Variants in CRACD observed in about 807,000 individuals in gnomAD.
The protein encoded by CRACD is capping protein inhibiting regulator of actin dynamics.
A neutral mutation model predicts 106.8 loss-of-function variants in CRACD; 56 were observed. The ratio of observed to expected loss-of-function variants is 0.52; its 90% CI spans 0.42 to 0.66. The LOEUF (loss-of-function observed/expected upper bound fraction) is 0.66. Ranked by LOEUF, CRACD falls within the 30% of genes least tolerant of loss-of-function variation. The pLI, the probability that CRACD is intolerant of heterozygous loss-of-function variation, is 0.00. For synonymous variants in CRACD, 754 were observed against 670.8 expected, an observed-to-expected ratio of 1.12 and a Z score of -1.92; for missense variants, 1,730 against 1,623.2, an observed-to-expected ratio of 1.07 and a Z score of -1.13.
chr4:56,110,372 A>G (rs1432216549), intron 1 of CRACD, among the ~76,000 whole-genome samples: 2 of 152,194 alleles, frequency 1.3e-5, no homozygotes, highest in Non-Finnish European at 2.9e-5. Context: ...ATCAAAGTAG[A>G]GATGTCAAAA....
chr4:56,142,187 C>A (rs1424360125), intron 1 of CRACD, among the ~76,000 whole-genome samples: 1 of 152,088 alleles, frequency 6.6e-6, no homozygotes, highest in African/African-American at 2.4e-5. Context: ...ATGGGATTAT[C>A]CTACATTGAT....
chr4:56,165,182 C>T (rs1294277058), intron 1 of CRACD, among the ~76,000 whole-genome samples: 1 of 152,116 alleles, frequency 6.6e-6, no homozygotes, highest in Non-Finnish European at 1.5e-5. Flanking sequence ...ATGAAAGGTG[C>T]AGACTGCAGG....
intron 1 of CRACD, among the ~76,000 whole-genome samples, chr4:56,137,584 A>T (rs1016164927): frequency 1.3e-5 from 2 of 152,242 alleles, no homozygotes; most frequent in African/African-American, 4.8e-5. Context: ...TCCAATTTTT[A>T]AGTTTAAGTT....
chr4:56,132,289 C>T (rs1010753137), intron 1 of CRACD, among the ~76,000 whole-genome samples: 6 of 152,138 alleles, frequency 3.9e-5, no homozygotes, highest in African/African-American at 1.4e-4. Context: ...ACCCGCCCAC[C>T]TTGGCCTCTC....
intron 1 of CRACD, among the ~76,000 whole-genome samples, chr4:56,125,060 G>A (rs552572613): frequency 2.6e-5 from 4 of 152,214 alleles, no homozygotes; most frequent in African/African-American, 9.6e-5. Context: ...AATATCCAAC[G>A]TTATGTTCAT....
chr4:56,107,329 T>C (rs1016017079), intron 1 of CRACD, among the ~76,000 whole-genome samples: 1 of 152,178 alleles, frequency 6.6e-6, no homozygotes, highest in Admixed American at 6.5e-5. Flanking sequence ...TCAGCAATCT[T>C]AGTGCCTTCA....
chr4:56,189,732 C>G (rs574663245), intron 2 of CRACD, among the ~76,000 whole-genome samples: 1 of 151,292 alleles, frequency 6.6e-6, no homozygotes, highest in East Asian at 2.0e-4. Flanking sequence ...ATGAACTCAT[C>G]ATTTTTTATG....
At chr4:56,150,295 TA>T (rs1735537254) in intron 1 of CRACD, among the ~76,000 whole-genome samples, 1 of 152,268 alleles carries the variant, frequency 6.6e-6, no homozygotes, top group Non-Finnish European at 1.5e-5. Flanking sequence ...TTGAGAAGTT[TA>T]AATAGGATAA....
chr4:56,139,542 G>A (rs1335972436), intron 1 of CRACD, among the ~76,000 whole-genome samples: 1 of 152,202 alleles, frequency 6.6e-6, no homozygotes. Flanking sequence ...AGAAAGAGGA[G>A]GTTCTGAAGG....
chr4:56,272,611 G>T (rs1166140405), intron 3 of CRACD, 119 bp downstream of exon 3: 1 of 152,474 alleles, frequency 6.6e-6, no homozygotes, highest in Non-Finnish European at 1.5e-5. Flanking sequence ...CCCAAACGGG[G>T]CAGGGTGTTG....
intron 2 of CRACD, among the ~76,000 whole-genome samples, chr4:56,219,968 A>G (rs1402787103): frequency 6.6e-6 from 1 of 152,236 alleles, no homozygotes; most frequent in Non-Finnish European, 1.5e-5. Flanking sequence ...CAGGCAGATA[A>G]TATGAAGAAA....
chr4:56,216,459 G>C (rs975054715), intron 2 of CRACD, among the ~76,000 whole-genome samples: 1 of 152,130 alleles, frequency 6.6e-6, no homozygotes, highest in Non-Finnish European at 1.5e-5. Flanking sequence ...AGATACAGCT[G>C]TTCCAATCTC....
Position 56,316,544 on chromosome 4 carries a change from G to A in CRACD, c.3042G>A (p.Arg1014=), listed in dbSNP as rs776142032. The change falls in exon 8 of 11, where the codon CGG becomes CGA. Residue 1014 remains arginine, a synonymous_variant. Transcript: ENST00000682029. ...SKEDQESSDR[R]PPSPPGPEER... is the part of the protein sequence containing the mutation. The stretch of plus-strand genomic sequence containing the variant: ...AGGACCAGGAGAGCAGTGACCGCCG[G>A]CCACCCTCGCCCCCAGGCCCCGAGG... 3.7e-6 allele frequency: 6 copies of A among 1,613,336 alleles called. No homozygotes were observed. In the Admixed American group the frequency reaches 1.0e-4, roughly 27 times the overall value.
At chr4:56,153,099 T>C (rs927727116) in intron 1 of CRACD, among the ~76,000 whole-genome samples, 1 of 152,108 alleles carries the variant, frequency 6.6e-6, no homozygotes. Context: ...GGCAATGTGG[T>C]GAAATCCCCA....
At chr4:56,251,328 A>C (rs527579573) in intron 2 of CRACD, among the ~76,000 whole-genome samples, 1 of 152,296 alleles carries the variant, frequency 6.6e-6, no homozygotes, top group Admixed American at 6.5e-5. Context: ...GTAGAAATCA[A>C]ATAGTGGCTT....
intron 2 of CRACD, among the ~76,000 whole-genome samples, chr4:56,255,753 C>T (rs749244181): frequency 6.6e-6 from 1 of 152,164 alleles, no homozygotes; most frequent in African/African-American, 2.4e-5. Flanking sequence ...TTGCATCTGA[C>T]CTCTCCTTTT....
At chr4:56,209,667 T>G (rs1738302334) in intron 2 of CRACD, among the ~76,000 whole-genome samples, 1 of 152,174 alleles carries the variant, frequency 6.6e-6, no homozygotes, top group African/African-American at 2.4e-5. Flanking sequence ...CATACAAAAA[T>G]AAGATGCCAA....
intron 7 of CRACD, 88 bp downstream of exon 7, chr4:56,313,467 C>A: frequency 8.5e-7 from 1 of 1,181,588 alleles, no homozygotes; most frequent in Non-Finnish European, 1.2e-6. Context: ...GGGGTGGAGC[C>A]ATGTAAAGAC....
At chr4:56,188,659 TTCTC>T (rs60141459) in intron 2 of CRACD, among the ~76,000 whole-genome samples, 3,208 of 83,654 alleles carry the variant, frequency 0.038, 50 homozygotes, top group Admixed American at 0.05. Flanking sequence ...ATCTCTCTAT[TTCTC>T]TCTCTCTCTC....
Sources: gnomAD v4.1 joint callset for allele counts (sites outside exome capture counted in the v4.1 genomes callset) on GRCh38, gnomAD v4.1.1 for gene constraint, MANE v1.5 for transcripts, NCBI Gene and HGNC (gene_info 2026-07-23, HGNC 2026-07-21) for gene names.